The following SH2B2 variants were observed in gnomAD, a reference collection of about 807,000 sequenced individuals.
SH2B2 encodes SH2B adapter protein 2.
SH2B2 carries 37 observed loss-of-function variants against 35.7 expected under a neutral mutation model. The ratio of observed to expected loss-of-function variants is 1.04; its 90% CI spans 0.80 to 1.36. The LOEUF (loss-of-function observed/expected upper bound fraction) is 1.36, where lower values mean the gene tolerates loss of function less well. SH2B2 is among the 40% of genes most tolerant of loss of function. The pLI is 0.00. For synonymous variants in SH2B2, 383 were observed against 376.4 expected (o/e 1.02, Z -0.20); for missense variants, 852 against 817.7 (o/e 1.04, Z -0.51).
intron 2 of SH2B2, among the ~76,000 whole-genome samples, chr7:102,303,766 G>C (rs1793288660): frequency 6.6e-6 from 1 of 152,228 alleles, no homozygotes; most frequent in South Asian, 2.1e-4. Context: ...CAGAAGCCCA[G>C]GGCTCCAGTG....
At position 102,301,173 on chromosome 7, in the gene SH2B2, C is replaced by T. The variant is rs1793169275; in HGVS notation, c.623C>T (p.Ala208Val). ...GALRFMVADD[A>V]AAGSGGSAQW... ...CTGCGCTTCATGGTGGCCGACGACG[C>T]GGCCGCGGGCTCCGGGGGCTCGGCT... The change falls in exon 2 of 9, where the codon GCG (alanine) becomes GTG (valine). Residue 208 changes from alanine to valine, a missense_variant. Physicochemically the swap from Ala to Val is moderately conservative, Grantham distance 64. Around this residue, in one of 3 missense-constraint regions of SH2B2, gnomAD observed 556 missense variants for 514.5 expected, o/e 1.08. Transcript: ENST00000444095. 4 of 1,574,138 alleles carry T rather than the reference C, an allele frequency of 2.5e-6. No individual in the cohort carries two copies. Among genetic ancestry groups the T allele is most frequent in the African/African-American group, 1.4e-5 (1 of 72,514 alleles).
At chr7:102,317,571 C>T (rs1554557347) in intron 7 of SH2B2, among the ~76,000 whole-genome samples, 176 bp downstream of exon 7, 1 of 152,186 alleles carries the variant, frequency 6.6e-6, no homozygotes, top group African/African-American at 2.4e-5. Flanking sequence ...TGCGTCCCTC[C>T]TACACATCAC....
chr7:102,316,997 G>A (rs1793856131), intron 6 of SH2B2, 190 bp from the exon 7 acceptor site: 2 of 539,408 alleles, frequency 3.7e-6, no homozygotes, highest in Non-Finnish European at 3.3e-6. Context: ...ACTCCAGCCT[G>A]GGCGACAAGA....
chr7:102,320,211 G>C, intron 7 of SH2B2, 120 bp from the exon 8 acceptor site: 1 of 827,714 alleles, frequency 1.2e-6, no homozygotes, highest in Admixed American at 2.4e-5. Context: ...AGGGGCCCCC[G>C]GCCCTGACAC....
At chr7:102,320,262 C>T (rs1794000851) in intron 7 of SH2B2, 69 bp from the exon 8 acceptor site, 2 of 1,331,350 alleles carry the variant, frequency 1.5e-6, no homozygotes, top group Admixed American at 1.7e-5. Flanking sequence ...CTTCCATCAA[C>T]CCCCAAAGGC....
At chr7:102,285,385 T>C, upstream of SH2B2, 2 of 705,638 alleles carry the variant, frequency 2.8e-6, no homozygotes, top group Admixed American at 2.2e-5. Context: ...GCCTCATTCA[T>C]AGGTGTCCTG....
chr7:102,301,011 GGCGCGCCT>G lies in SH2B2; in HGVS notation c.462_469del (p.Arg155AlafsTer101). ...GACGGCGTGCGCGACATGTGGCACC[GGCGCGCCT>G]CGCCCGAGCCCGACGCGGCAGCTGC... On this transcript the variant is annotated frameshift_variant, in exon 2 of 9. Coordinates refer to ENST00000444095, the MANE Select transcript of SH2B2 (RefSeq NM_001359228.2). LOFTEE classifies it high-confidence loss of function. 1 of 1,411,990 alleles carries G rather than the reference GGCGCGCCT, an allele frequency of 7.1e-7. No homozygotes were observed. The highest frequency in any genetic ancestry group is 9.2e-7 in the Non-Finnish European group (1 of 1,085,060). The allele number at this position is 1,411,990 out of a possible 1,614,324, so 87.5% of individuals were successfully genotyped here.
At chr7:102,290,238 C>G (rs1792621887) in intron 1 of SH2B2, among the ~76,000 whole-genome samples, 1 of 52,394 alleles carries the variant, frequency 1.9e-5, no homozygotes, top group African/African-American at 7.9e-5. Context: ...GCTCCATACC[C>G]CCCTTTTTTT....
chr7:102,320,622 T>A, intron 8 of SH2B2, 120 bp downstream of exon 8: 1 of 1,323,438 alleles, frequency 7.6e-7, no homozygotes, highest in Non-Finnish European at 1.0e-6. Flanking sequence ...CTCAGCCGTG[T>A]CCCTCCCACC....
At chr7:102,321,221 C>G (rs1794058727) in intron 8 of SH2B2, 78 bp from the exon 9 acceptor site, 2 of 1,213,502 alleles carry the variant, frequency 1.6e-6, no homozygotes, top group African/African-American at 1.6e-5. Context: ...GGCCCTGGCC[C>G]CTTGAGGGAT....
At position 102,292,986 on chromosome 7, in the gene SH2B2, C is replaced by G. The variant is rs1223023360; in HGVS notation, c.-30+5892C>G. ...TCCCGGTGCTCCTGGCCTCCTGTGG[C>G]TGGGATGGTGCTGGGGAGGAGGTGG... On this transcript the variant is annotated intron_variant, in intron 1 of 8. Transcript: ENST00000444095. 2.0e-5 allele frequency: 3 copies of G among 152,748 alleles called. No individual in the cohort carries two copies. In the East Asian group the frequency reaches 5.8e-4, roughly 30 times the overall value. 9.5% of individuals were successfully genotyped at this position (152,748 alleles called of 1,614,324 possible).
Position 102,300,844 on chromosome 7 carries a change from GC to G in SH2B2, c.296del (p.Pro99ArgfsTer42). 2 of 1,459,208 alleles carry G rather than the reference GC, an allele frequency of 1.4e-6. No individual in the cohort carries two copies. The highest frequency in any genetic ancestry group is 1.8e-6 in the Non-Finnish European group (2 of 1,104,604). 90.4% of individuals were successfully genotyped at this position (1,459,208 alleles called of 1,614,324 possible). A position where few individuals can be genotyped will look rare whatever the true frequency, so the allele number is the denominator to read the frequency against. ...GAAVSAEAME[P>X]ELADTSALKA... ...CGGCCGTGAGCGCAGAGGCCATGGAGCCGGAGCTCGCGGACACCTCTGCACT... is the reference window on the plus strand; with the variant it reads ...CGGCCGTGAGCGCAGAGGCCATGGAGCGGAGCTCGCGGACACCTCTGCACT... On this transcript the variant is annotated frameshift_variant, in exon 2 of 9. Transcript: ENST00000444095. LOFTEE classifies it high-confidence loss of function.
chr7:102,285,339 C>A, upstream of SH2B2: 1 of 1,024,504 alleles, frequency 9.8e-7, no homozygotes, highest in Non-Finnish European at 1.5e-6. Flanking sequence ...GCTTCCCTTT[C>A]TCCCACTCTC....
Position 102,301,189 on chromosome 7 carries a change from G to A in SH2B2, c.639G>A (p.Gly213=). Residue 213 remains glycine (G), a synonymous_variant, in exon 2 of 9, where the codon GGG becomes GGA. Coordinates refer to ENST00000444095, the MANE Select transcript of SH2B2 (RefSeq NM_001359228.2). ...MVADDAAAGS[G]GSAQWQKCRL... ...CCGACGACGCGGCCGCGGGCTCCGG[G>A]GGCTCGGCTCAGTGGCAGAAGTGCC... 3.2e-6 allele frequency: 5 copies of A among 1,585,978 alleles called. No homozygotes were observed. Among genetic ancestry groups the A allele is most frequent in the Non-Finnish European group, 4.3e-6 (5 of 1,168,222 alleles).
At position 102,320,469 on chromosome 7, in the gene SH2B2, C is replaced by T. The variant is rs200296075; in HGVS notation, c.1534C>T (p.Arg512Cys). The change falls in exon 8 of 9, where the codon CGC becomes TGC. Residue 512 changes from arginine (R) to cysteine (C), a missense_variant. By Grantham distance (180) the Arg-to-Cys change is radical. This residue lies in a region of SH2B2 where 556 missense variants were observed against 514.5 expected (regional missense o/e 1.08). Coordinates refer to ENST00000444095, the MANE Select transcript of SH2B2 (RefSeq NM_001359228.2). ...ESGGSADITL[R>C]SYVRAQDPPP... Reference sequence around the variant, plus strand: ...AGGGGGCTCGGCCGACATCACCCTTCGCAGCTATGTGCGGGCCCAGGACCC... The same window carrying T: ...AGGGGGCTCGGCCGACATCACCCTTTGCAGCTATGTGCGGGCCCAGGACCC... The T allele has an allele frequency of 6.9e-4, 1,112 of 1,613,632 alleles. 2 individuals are homozygous for T. The highest frequency in any genetic ancestry group is 8.6e-4 in the Non-Finnish European group (1,018 of 1,179,858).
chr7:102,316,408 G>T (rs559330371), intron 6 of SH2B2, among the ~76,000 whole-genome samples: 1 of 151,008 alleles, frequency 6.6e-6, no homozygotes, highest in East Asian at 2.0e-4. Flanking sequence ...GCAACATGGT[G>T]AAACCCTGTC....
intron 2 of SH2B2, among the ~76,000 whole-genome samples, chr7:102,306,132 G>T (rs994927124): frequency 2.6e-5 from 4 of 151,960 alleles, no homozygotes; most frequent in African/African-American, 7.3e-5. Flanking sequence ...TGTCGCCCAG[G>T]CTGGAGTGCA....
chr7:102,298,624 G>T (rs782161707), intron 1 of SH2B2, among the ~76,000 whole-genome samples: 1 of 152,076 alleles, frequency 6.6e-6, no homozygotes, highest in Non-Finnish European at 1.5e-5. Flanking sequence ...TCTGTCCCCA[G>T]GCTGGAGTAC....
At chr7:102,288,582 T>G (rs1374371348) in intron 1 of SH2B2, among the ~76,000 whole-genome samples, 3 of 152,104 alleles carry the variant, frequency 2.0e-5, no homozygotes, top group African/African-American at 4.8e-5. Context: ...TTAGCGTGAA[T>G]CTCCTAGGGA....
Sources: gnomAD v4.1 joint callset for allele counts (sites outside exome capture counted in the v4.1 genomes callset) on GRCh38, gnomAD v4.1.1 for gene constraint, gnomAD v4.1.1 regional missense constraint, MANE v1.5 for transcripts, NCBI Gene and HGNC (gene_info 2026-07-23, HGNC 2026-07-21) for gene names.